The following SIDT1 variants were observed in gnomAD, a reference collection of about 807,000 sequenced individuals.
SIDT1 encodes the protein SID1 transmembrane family, member 1.
A neutral mutation model predicts 107.5 loss-of-function variants in SIDT1; 101 were observed. The ratio of observed to expected loss-of-function variants is 0.94; its 90% CI spans 0.80 to 1.11. The LOEUF (loss-of-function observed/expected upper bound fraction) is 1.11. Among genes scored for constraint, SIDT1 ranks in the 50% least tolerant of loss-of-function variants. SIDT1 has a pLI of 0.00. For missense variants in SIDT1, 1,076 were observed against 1,058.2 expected (o/e 1.02, Z -0.23); for synonymous variants, 395 against 398.2 (o/e 0.99, Z 0.10).
At position 113,592,111 on chromosome 3, in the gene SIDT1, T is replaced by G. The variant is rs557605503; in HGVS notation, c.1002-894T>G. 7.9e-5 allele frequency among the ~76,000 whole-genome samples: 12 copies of G among 152,240 alleles called. No individual in the cohort carries two copies. In the East Asian group the frequency reaches 1.9e-3, roughly 24 times the overall value. On this transcript the variant is annotated intron_variant, in intron 9 of 24. Coordinates refer to ENST00000264852, the MANE Select transcript of SIDT1 (RefSeq NM_017699.3). ...TAGGCAAACTTATAGAGACAGAAAG[T>G]AGATTAGTGTTTTCTAGGGGATGGG...
At chr3:113,634,803 C>T in the SIDT1 span, among the ~76,000 whole-genome samples, 1 of 149,506 alleles carries the variant, frequency 6.7e-6, no homozygotes, top group Non-Finnish European at 1.5e-5. Context: ...GGCTCCATCT[C>T]GAAAAAAATA....
intron 17 of SIDT1, 112 bp from the exon 18 acceptor site, chr3:113,610,896 A>C: frequency 7.7e-7 from 1 of 1,306,640 alleles, no homozygotes; most frequent in South Asian, 1.4e-5. Context: ...GGTAGAAAAT[A>C]GTCCATGGAT....
At chr3:113,550,717 T>G (rs540180014) in intron 1 of SIDT1, among the ~76,000 whole-genome samples, 1 of 152,142 alleles carries the variant, frequency 6.6e-6, no homozygotes, top group Non-Finnish European at 1.5e-5. Context: ...TTTAAAAAAA[T>G]TTTTTTAAGT....
At chr3:113,623,581 A>AG in intron 22 of SIDT1, 42 bp from the exon 23 acceptor site, 1 of 1,599,886 alleles carries the variant, frequency 6.3e-7, no homozygotes, top group Non-Finnish European at 8.6e-7. Context: ...GGGCAGGCGA[A>AG]GGCGGGGTCG....
chr3:113,612,709 T>C (rs544417075), intron 19 of SIDT1, among the ~76,000 whole-genome samples: 28 of 152,326 alleles, frequency 1.8e-4, no homozygotes, highest in African/African-American at 6.7e-4. Flanking sequence ...TCAGAGAGCA[T>C]TGAATGTTCT....
chr3:113,545,586 C>G (rs926603107), intron 1 of SIDT1, among the ~76,000 whole-genome samples: 1 of 152,218 alleles, frequency 6.6e-6, no homozygotes, highest in Non-Finnish European at 1.5e-5. Flanking sequence ...TAAGGAATCA[C>G]AAGGAAAGAT....
intron 23 of SIDT1, 135 bp from the exon 24 acceptor site, chr3:113,625,967 T>C (rs925358034): frequency 2.2e-4 from 155 of 689,198 alleles, no homozygotes; most frequent in Non-Finnish European, 2.7e-4. Flanking sequence ...GGTTTTTGTG[T>C]GGATGGATGT....
intron 1 of SIDT1, among the ~76,000 whole-genome samples, chr3:113,560,012 T>C (rs1576763255): frequency 6.6e-6 from 1 of 152,102 alleles, no homozygotes; most frequent in Non-Finnish European, 1.5e-5. Flanking sequence ...TGACCAAGCA[T>C]TGCATGGGGA....
intron 14 of SIDT1, among the ~76,000 whole-genome samples, chr3:113,605,908 G>A (rs550819051): frequency 2.0e-5 from 3 of 152,132 alleles, no homozygotes; most frequent in African/African-American, 7.2e-5. Flanking sequence ...GGAGGCTGAA[G>A]TGGGAGGATT....
intron 9 of SIDT1, chr3:113,590,319 A>C (rs1944052859): frequency 6.6e-6 from 1 of 152,206 alleles, no homozygotes; most frequent in South Asian, 2.1e-4. Context: ...TCCCATCTGG[A>C]AGTAATAAGA....
chr3:113,587,146 G>T (rs1376761873), intron 9 of SIDT1, among the ~76,000 whole-genome samples: 4 of 152,086 alleles, frequency 2.6e-5, no homozygotes. Context: ...TTGGTTGTAT[G>T]CAAGTTACTT....
intron 23 of SIDT1, among the ~76,000 whole-genome samples, chr3:113,624,449 C>G (rs780791762): frequency 6.6e-6 from 1 of 152,194 alleles, no homozygotes; most frequent in Non-Finnish European, 1.5e-5. Flanking sequence ...CTATTCATTG[C>G]TGAAAAATAT....
intron 1 of SIDT1, among the ~76,000 whole-genome samples, chr3:113,559,208 A>G (rs1270340028): frequency 6.6e-6 from 1 of 152,352 alleles, no homozygotes; most frequent in Non-Finnish European, 1.5e-5. Flanking sequence ...AAACTTAGTC[A>G]TGGAAATGCT....
At position 113,608,424 on chromosome 3, in the gene SIDT1, C is replaced by T. The variant is rs754280160; in HGVS notation, c.1608C>T (p.Tyr536=). ...CACCCTTTCTCCTTTTTCAGGAGTA[C>T]GGGATTCCCAAACACTTTGGTCTCT... ...LEAKDIFAVE[Y]GIPKHFGLFY... The change falls in exon 17 of 25, where the codon TAC becomes TAT. Residue 536 remains tyrosine (Y), a synonymous_variant. Transcript: ENST00000264852. The T allele has an allele frequency of 1.1e-4, 172 of 1,609,222 alleles. No homozygotes were observed. The Admixed American group carries it at 2.5e-3, about 23-fold the overall frequency.
rs1481258098 is a variant in SIDT1 at position 113,629,421 on chromosome 3, C to T, written c.*1713C>T. The T allele has an allele frequency of 6.6e-6, 1 of 152,166 alleles. No individual in the cohort carries two copies. Among genetic ancestry groups the T allele is most frequent in the African/African-American group, 2.4e-5 (1 of 41,408 alleles). 9.4% of individuals were successfully genotyped at this position (152,166 alleles called of 1,614,324 possible). A position where few individuals can be genotyped will look rare whatever the true frequency, so the allele number is the denominator to read the frequency against. ...GCACAGTGGCTCACGCCTGTAATCC[C>T]AACACTTTGGGAGGCTGAGGCAGGA... is the stretch of plus-strand genomic sequence containing the variant. On this transcript the variant is annotated 3_prime_UTR_variant, in exon 25 of 25. Coordinates refer to ENST00000264852, the MANE Select transcript of SIDT1 (RefSeq NM_017699.3).
chr3:113,590,632 A>T (rs2107585538), intron 9 of SIDT1, among the ~76,000 whole-genome samples: 1 of 152,352 alleles, frequency 6.6e-6, no homozygotes, highest in South Asian at 2.1e-4. Context: ...CTTGAGATCA[A>T]TATGCAAAAA....
intron 23 of SIDT1, among the ~76,000 whole-genome samples, chr3:113,624,308 T>G (rs1190233775): frequency 6.6e-6 from 1 of 152,244 alleles, no homozygotes; most frequent in Non-Finnish European, 1.5e-5. Flanking sequence ...CTACCTTTTG[T>G]CTCTGTATAT....
At chr3:113,552,607 A>T (rs1576736689) in intron 1 of SIDT1, among the ~76,000 whole-genome samples, 2 of 152,242 alleles carry the variant, frequency 1.3e-5, no homozygotes, top group African/African-American at 4.8e-5. Flanking sequence ...AGCAGCAGTC[A>T]TGCCACAGGA....
At chr3:113,616,793 A>G (rs1946142544) in intron 20 of SIDT1, among the ~76,000 whole-genome samples, 1 of 151,864 alleles carries the variant, frequency 6.6e-6, no homozygotes, top group Non-Finnish European at 1.5e-5. Context: ...GGTTCAAGCA[A>G]TTCTCCTGCC....
Sources: gnomAD v4.1 joint callset for allele counts (sites outside exome capture counted in the v4.1 genomes callset) on GRCh38, gnomAD v4.1.1 for gene constraint, MANE v1.5 for transcripts, NCBI Gene and HGNC (gene_info 2026-07-23, HGNC 2026-07-21) for gene names.